TMEM178B: variants seen among roughly 807,000 people sequenced by gnomAD.
The protein encoded by TMEM178B is transmembrane protein 178B.
Under a neutral mutation model 31.0 loss-of-function variants are expected in TMEM178B, and 5 were observed. That is an observed-to-expected ratio of 0.16 (90% confidence interval 0.08 to 0.34). TMEM178B has a LOEUF of 0.34. Among genes scored for constraint, TMEM178B ranks in the 10% least tolerant of loss-of-function variants. TMEM178B has a pLI of 1.00. For synonymous variants in TMEM178B, 164 were observed against 164.0 expected, an observed-to-expected ratio of 1.00 and a Z score of 0.00; for missense variants, 275 against 400.3, an observed-to-expected ratio of 0.69 and a Z score of 2.67.
intron 2 of TMEM178B, among the ~76,000 whole-genome samples, chr7:141,315,344 A>G (rs1046103655): frequency 1.3e-5 from 2 of 151,952 alleles, no homozygotes; most frequent in Non-Finnish European, 2.9e-5. Context: ...ATCATTAAAA[A>G]ACTCTGATTC....
intron 3 of TMEM178B, among the ~76,000 whole-genome samples, chr7:141,464,349 T>A (rs28414211): frequency 0.085 from 12,876 of 152,140 alleles, 1,586 homozygotes; most frequent in African/African-American, 0.27. Flanking sequence ...CCTAGAGACT[T>A]CTAGACTTGG....
In TMEM178B at chr7:141,471,867, T is replaced by A. The variant is rs189264641; in HGVS notation, c.*1081T>A. The A allele has an allele frequency of 6.6e-6, 1 of 152,334 alleles. No homozygotes were observed. Among genetic ancestry groups the A allele is most frequent in the African/African-American group, 2.4e-5 (1 of 41,508 alleles). 9.4% of individuals were successfully genotyped at this position (152,334 alleles called of 1,614,324 possible). ...TTTTATTGTTTGTGTTGTGTTTTTT[T>A]AAATTGTTTCTGGTATAGCTGAAAT... On this transcript the variant is annotated 3_prime_UTR_variant, in exon 4 of 4. Transcript: ENST00000565468. This position sits in a 1 kb window ranked among gnomAD's most constrained non-coding sequence, Gnocchi z 4.1.
At chr7:141,359,759 G>A (rs925864891) in intron 2 of TMEM178B, among the ~76,000 whole-genome samples, 1 of 152,150 alleles carries the variant, frequency 6.6e-6, no homozygotes, top group Admixed American at 6.5e-5. Context: ...ACCTGTATTA[G>A]TCTGTTTTCA....
At chr7:141,349,721 A>C in intron 2 of TMEM178B, among the ~76,000 whole-genome samples, 1 of 152,210 alleles carries the variant, frequency 6.6e-6, no homozygotes, top group Admixed American at 6.5e-5. Flanking sequence ...TGATTTTCTT[A>C]AAGAGGGGAA....
intron 1 of TMEM178B, among the ~76,000 whole-genome samples, chr7:141,083,703 G>A (rs1227749366): frequency 1.3e-5 from 2 of 152,138 alleles, no homozygotes; most frequent in Non-Finnish European, 2.9e-5. Context: ...TAAGAGAAAG[G>A]TGATGACAGA....
chr7:141,255,710 T>C (rs576658174), intron 2 of TMEM178B, among the ~76,000 whole-genome samples: 1 of 152,050 alleles, frequency 6.6e-6, no homozygotes, highest in African/African-American at 2.4e-5. Context: ...GTAGACTGGA[T>C]ATTGTCCCCG....
At chr7:141,193,943 C>CA (rs932983948) in intron 1 of TMEM178B, among the ~76,000 whole-genome samples, 3 of 152,112 alleles carry the variant, frequency 2.0e-5, no homozygotes, top group Non-Finnish European at 2.9e-5. Flanking sequence ...TTGGCAGCAA[C>CA]AAGAAAAAAT....
At chr7:141,273,407 C>A (rs1397151328) in intron 2 of TMEM178B, among the ~76,000 whole-genome samples, 3 of 152,148 alleles carry the variant, frequency 2.0e-5, no homozygotes, top group Non-Finnish European at 4.4e-5. Context: ...TATGTTCCAT[C>A]TTTATTCATC....
intron 2 of TMEM178B, among the ~76,000 whole-genome samples, chr7:141,330,325 T>C (rs1799276100): frequency 6.6e-6 from 1 of 152,174 alleles, no homozygotes; most frequent in African/African-American, 2.4e-5. Context: ...CCTCCCTGTG[T>C]CCATGTGTTC....
the TMEM178B span, among the ~76,000 whole-genome samples, chr7:141,496,669 C>CAAAAAAAAAAAAAAAAAA: frequency 3.0e-5 from 1 of 33,254 alleles, no homozygotes; most frequent in African/African-American, 1.1e-4. Context: ...GACTCCGTCT[C>CAAAAAAAAAAAAAAAAAA]AAAAAAAAAA....
intron 2 of TMEM178B, among the ~76,000 whole-genome samples, chr7:141,402,138 C>T (rs1006501775): frequency 9.2e-5 from 14 of 152,266 alleles, no homozygotes; most frequent in African/African-American, 2.6e-4. Flanking sequence ...CCGGAGGACC[C>T]GCTCACTACA....
chr7:141,441,944 G>A (rs1801668596), intron 3 of TMEM178B, among the ~76,000 whole-genome samples: 1 of 152,162 alleles, frequency 6.6e-6, no homozygotes, highest in Admixed American at 6.5e-5. Context: ...AGGAGGCCGG[G>A]GGTGGCAAGT....
chr7:141,180,081 T>C (rs1203571782), intron 1 of TMEM178B, among the ~76,000 whole-genome samples: 4 of 152,190 alleles, frequency 2.6e-5, no homozygotes, highest in Admixed American at 6.5e-5. Flanking sequence ...TAACTCTCCG[T>C]GACACAGTAT....
At chr7:141,443,506 T>C (rs1187111004) in intron 3 of TMEM178B, among the ~76,000 whole-genome samples, 2 of 152,206 alleles carry the variant, frequency 1.3e-5, no homozygotes, top group Non-Finnish European at 2.9e-5. Flanking sequence ...CTATTGAAAC[T>C]TGTCTGATGT....
chr7:141,137,259 C>G (rs1795689617), intron 1 of TMEM178B, among the ~76,000 whole-genome samples: 2 of 152,172 alleles, frequency 1.3e-5, no homozygotes, highest in African/African-American at 4.8e-5. Flanking sequence ...GATACCTGCA[C>G]CCCTATGTGT....
At chr7:141,354,734 A>G (rs577385085) in intron 2 of TMEM178B, among the ~76,000 whole-genome samples, 2 of 152,056 alleles carry the variant, frequency 1.3e-5, no homozygotes, top group South Asian at 4.2e-4. Context: ...CGTGGTTCCT[A>G]TTTGTTCACT....
At chr7:141,161,093 G>A (rs1213685235) in intron 1 of TMEM178B, among the ~76,000 whole-genome samples, 2 of 152,148 alleles carry the variant, frequency 1.3e-5, no homozygotes, top group East Asian at 3.9e-4. Flanking sequence ...CTGACCTCGT[G>A]ATCCGCCCAC....
the TMEM178B span, among the ~76,000 whole-genome samples, chr7:141,509,343 T>C: frequency 1.3e-5 from 2 of 151,878 alleles, no homozygotes; most frequent in South Asian, 2.1e-4. Context: ...AACAAAGAAT[T>C]TGAAGAAATA....
intron 2 of TMEM178B, among the ~76,000 whole-genome samples, chr7:141,304,831 T>C (rs1168949374): frequency 2.0e-5 from 3 of 152,210 alleles, no homozygotes; most frequent in African/African-American, 4.8e-5. Flanking sequence ...TCTAACTTGT[T>C]GCAAGTCCTG....
Sources: gnomAD v4.1 joint callset for allele counts (sites outside exome capture counted in the v4.1 genomes callset) on GRCh38, gnomAD v4.1.1 for gene constraint, Gnocchi (gnomAD v3.1) non-coding constraint, MANE v1.5 for transcripts, NCBI Gene and HGNC (gene_info 2026-07-23, HGNC 2026-07-21) for gene names.